The following HSD17B12 variants were observed in gnomAD, a reference collection of about 807,000 sequenced individuals.
The protein encoded by HSD17B12 is very-long-chain 3-oxoacyl-CoA reductase.
A neutral mutation model predicts 39.3 loss-of-function variants in HSD17B12; 32 were observed. That is an observed-to-expected ratio of 0.81 (90% confidence interval 0.61 to 1.09). The LOEUF (loss-of-function observed/expected upper bound fraction) is 1.09. HSD17B12 is among the 50% of genes least tolerant of loss of function. The pLI is 0.00. For missense variants in HSD17B12, 342 were observed against 382.9 expected (o/e 0.89, Z 0.89); for synonymous variants, 150 against 146.7 (o/e 1.02, Z -0.16).
At chr11:43,582,012 AG>A in the HSD17B12 span, among the ~76,000 whole-genome samples, 2 of 152,106 alleles carry the variant, frequency 1.3e-5, no homozygotes, top group Admixed American at 1.3e-4. Flanking sequence ...CCCGGAGGTG[AG>A]GCGAGCCGCG....
intron 3 of HSD17B12, among the ~76,000 whole-genome samples, chr11:43,756,837 C>T (rs891730182): frequency 2.0e-5 from 3 of 152,140 alleles, no homozygotes; most frequent in East Asian, 1.9e-4. Context: ...TGAGGTGGCA[C>T]GTGACTGTTG....
the HSD17B12 span, among the ~76,000 whole-genome samples, chr11:43,594,690 T>C: frequency 6.6e-6 from 1 of 152,156 alleles, no homozygotes; most frequent in Non-Finnish European, 1.5e-5. Context: ...ATGCTCCTCC[T>C]GTGTTTGCAT....
the HSD17B12 span, among the ~76,000 whole-genome samples, chr11:43,659,230 A>G: frequency 6.6e-6 from 1 of 152,224 alleles, no homozygotes; most frequent in Non-Finnish European, 1.5e-5. Context: ...CCGTTTGTTA[A>G]GCCCATCGGA....
chr11:43,619,242 TAA>T, the HSD17B12 span, among the ~76,000 whole-genome samples: 31 of 31,964 alleles, frequency 9.7e-4, 1 homozygote, highest in African/African-American at 3.6e-3. Flanking sequence ...TATATATATA[TAA>T]AATATATATA....
intron 6 of HSD17B12, among the ~76,000 whole-genome samples, chr11:43,827,977 T>C (rs2135104471): frequency 6.6e-6 from 1 of 152,248 alleles, no homozygotes; most frequent in Admixed American, 6.5e-5. Flanking sequence ...TATTAAACTA[T>C]CCCCTTTAGA....
At chr11:43,854,676 T>C (rs1476793645) in intron 9 of HSD17B12, 39 bp from the exon 10 acceptor site, 3 of 1,609,666 alleles carry the variant, frequency 1.9e-6, no homozygotes, top group Non-Finnish European at 2.5e-6. Flanking sequence ...GCCTTACTAA[T>C]CAATGGCATG....
intron 1 of HSD17B12, among the ~76,000 whole-genome samples, chr11:43,725,350 C>T (rs1457136861): frequency 6.6e-6 from 1 of 152,204 alleles, no homozygotes; most frequent in Non-Finnish European, 1.5e-5. Flanking sequence ...TACTGAACAT[C>T]ATGCCTAGCA....
At chr11:43,689,702 A>C (rs974885707) in intron 1 of HSD17B12, among the ~76,000 whole-genome samples, 1 of 151,816 alleles carries the variant, frequency 6.6e-6, no homozygotes, top group Non-Finnish European at 1.5e-5. Context: ...GAGTGCCACC[A>C]CACCCTGATA....
chr11:43,576,038 G>A, the HSD17B12 span, among the ~76,000 whole-genome samples: 1 of 152,142 alleles, frequency 6.6e-6, no homozygotes, highest in African/African-American at 2.4e-5. Context: ...GCTCCTCTGG[G>A]GAAGGGGCTA....
intron 9 of HSD17B12, among the ~76,000 whole-genome samples, chr11:43,844,289 CAACTTCTT>C (rs1565110403): frequency 6.6e-6 from 1 of 152,186 alleles, no homozygotes; most frequent in Non-Finnish European, 1.5e-5. Context: ...ATCTTTCCCT[CAACTTCTT>C]AACTTCTTTC....
the HSD17B12 span, among the ~76,000 whole-genome samples, chr11:43,564,597 C>G: frequency 1.4e-3 from 211 of 152,274 alleles, no homozygotes; most frequent in African/African-American, 4.8e-3. Flanking sequence ...GCATTCCTAC[C>G]AGGGCTTGGA....
At chr11:43,758,695 A>G (rs914933682) in intron 3 of HSD17B12, among the ~76,000 whole-genome samples, 1 of 152,216 alleles carries the variant, frequency 6.6e-6, no homozygotes, top group Non-Finnish European at 1.5e-5. Context: ...TAAGTGCTCC[A>G]GTATATTCAG....
the HSD17B12 span, among the ~76,000 whole-genome samples, chr11:43,568,613 A>G: frequency 6.6e-6 from 1 of 152,330 alleles, no homozygotes; most frequent in African/African-American, 2.4e-5. Context: ...ATTCCATGAG[A>G]TAGGTAGGGC....
At chr11:43,838,168 G>A in intron 7 of HSD17B12, 149 bp from the exon 8 acceptor site, 1 of 638,698 alleles carries the variant, frequency 1.6e-6, no homozygotes, top group Non-Finnish European at 2.8e-6. Context: ...ACCAAGCATA[G>A]CACATACTGA....
chr11:43,773,162 C>A (rs1235554149), intron 3 of HSD17B12, among the ~76,000 whole-genome samples: 1 of 152,008 alleles, frequency 6.6e-6, no homozygotes. Context: ...TCAGAAATTT[C>A]TTGAATATTT....
chr11:43,670,872 A>T, the HSD17B12 span, among the ~76,000 whole-genome samples: 48,548 of 151,742 alleles, frequency 0.32, 7,894 homozygotes, highest in African/African-American at 0.36. Context: ...GTGACAGAGC[A>T]AGACTCTGTC....
chr11:43,640,294 TC>T, the HSD17B12 span, among the ~76,000 whole-genome samples: 1 of 151,974 alleles, frequency 6.6e-6, no homozygotes, highest in African/African-American at 2.4e-5. Flanking sequence ...ATGTAAGAAA[TC>T]GTAAAATTTT....
chr11:43,651,113 TA>T, the HSD17B12 span, among the ~76,000 whole-genome samples: 1 of 151,888 alleles, frequency 6.6e-6, no homozygotes, highest in African/African-American at 2.4e-5. Context: ...TCCATGAAAA[TA>T]AAAAGTGGAA....
chr11:43,581,032 C>T, the HSD17B12 span, among the ~76,000 whole-genome samples: 1 of 152,172 alleles, frequency 6.6e-6, no homozygotes, highest in Non-Finnish European at 1.5e-5. This position sits in a 1 kb window ranked among gnomAD's most constrained non-coding sequence, Gnocchi z 4.9. Flanking sequence ...CAGAGATCCG[C>T]GACCTTGCAG....
Sources: allele counts gnomAD v4.1 joint callset (sites outside exome capture counted in the v4.1 genomes callset), GRCh38; gene constraint gnomAD v4.1.1; non-coding constraint Gnocchi (gnomAD v3.1); transcripts MANE v1.5; gene names NCBI Gene and HGNC (gene_info 2026-07-23, HGNC 2026-07-21).